Variants in SV2C observed in about 807,000 individuals in gnomAD.
The protein encoded by SV2C is solute carrier family 22 member B3.
In SV2C, 49 loss-of-function variants were observed where a neutral mutation model predicts 79.7. That is an observed-to-expected ratio of 0.61 (90% CI 0.49 to 0.78). The LOEUF is 0.78. Among genes scored for constraint, SV2C ranks in the 30% least tolerant of loss-of-function variants. The probability of loss-of-function intolerance (pLI) is 0.00; values close to 1 mark genes in which losing one functional copy is unlikely to be tolerated. For missense variants in SV2C, 833 were observed against 912.9 expected, an observed-to-expected ratio of 0.91 and a Z score of 1.13; for synonymous variants, 334 against 333.2, an observed-to-expected ratio of 1.00 and a Z score of -0.03.
chr5:76,129,041 G>C (rs997242193), intron 1 of SV2C, among the ~76,000 whole-genome samples: 1 of 152,278 alleles, frequency 6.6e-6, no homozygotes, highest in African/African-American at 2.4e-5. Context: ...CCCCTGAACA[G>C]TCTGCCCCCA....
At chr5:75,982,142 A>G in the SV2C span, among the ~76,000 whole-genome samples, 36,605 of 147,338 alleles carry the variant, frequency 0.25, 5,906 homozygotes, top group Non-Finnish European at 0.37. Flanking sequence ...ATGACGAGTT[A>G]GTGGGTGCAG....
At chr5:76,229,891 A>G (rs56851355) in intron 4 of SV2C, among the ~76,000 whole-genome samples, 17,948 of 152,244 alleles carry the variant, frequency 0.12, 3,079 homozygotes, top group African/African-American at 0.38. Context: ...GAGAACAATC[A>G]ATGATGCTTG....
the SV2C span, among the ~76,000 whole-genome samples, chr5:75,851,396 A>G: frequency 6.6e-6 from 1 of 152,212 alleles, no homozygotes; most frequent in African/African-American, 2.4e-5. Flanking sequence ...TATTCTTTTC[A>G]TAAGACCACT....
At chr5:75,897,726 T>A in the SV2C span, among the ~76,000 whole-genome samples, 1 of 152,334 alleles carries the variant, frequency 6.6e-6, no homozygotes, top group African/African-American at 2.4e-5. Context: ...CATTTGTTTG[T>A]ATCCTCTTTT....
At chr5:76,009,334 T>C in the SV2C span, among the ~76,000 whole-genome samples, 1 of 152,206 alleles carries the variant, frequency 6.6e-6, no homozygotes, top group Admixed American at 6.5e-5. Context: ...GGTTCAGCCA[T>C]CATGGAAAGC....
the SV2C span, among the ~76,000 whole-genome samples, chr5:76,060,814 A>G: frequency 6.6e-6 from 1 of 152,060 alleles, no homozygotes; most frequent in South Asian, 2.1e-4. Flanking sequence ...CCTATATCTC[A>G]GCTTTCAACA....
chr5:76,154,279 C>G (rs544953328), intron 2 of SV2C, among the ~76,000 whole-genome samples: 1 of 152,176 alleles, frequency 6.6e-6, no homozygotes. Context: ...TAGTATCTGC[C>G]TTTTCTGTCT....
At chr5:76,313,658 G>C (rs1260675796) in intron 12 of SV2C, among the ~76,000 whole-genome samples, 5 of 152,190 alleles carry the variant, frequency 3.3e-5, no homozygotes, top group African/African-American at 1.2e-4. Context: ...TTGTGGGCCA[G>C]CTAAACAAGG....
the SV2C span, among the ~76,000 whole-genome samples, chr5:76,007,499 A>G: frequency 2.6e-5 from 4 of 152,130 alleles, no homozygotes; most frequent in Admixed American, 2.0e-4. Flanking sequence ...TATCATGGGT[A>G]TTCAATAAAC....
intron 4 of SV2C, chr5:76,281,232 G>A: frequency 3.8e-6 from 2 of 525,948 alleles, no homozygotes; most frequent in Admixed American, 2.0e-5. Flanking sequence ...AAATTCAACA[G>A]AAGAAAAGTA....
At chr5:76,086,550 G>A (rs1302848327) in intron 1 of SV2C, among the ~76,000 whole-genome samples, 2 of 152,144 alleles carry the variant, frequency 1.3e-5, no homozygotes, top group African/African-American at 4.8e-5. Context: ...TTTGACTGTG[G>A]TTCACAGCAT....
the SV2C span, among the ~76,000 whole-genome samples, chr5:75,995,374 C>T: frequency 2.2e-4 from 34 of 152,172 alleles, no homozygotes; most frequent in Admixed American, 1.1e-3. Flanking sequence ...TTCAACTAAA[C>T]TGAGGCATGG....
At chr5:76,337,596 A>G (rs1000683589), downstream of SV2C, among the ~76,000 whole-genome samples, 1 of 152,134 alleles carries the variant, frequency 6.6e-6, no homozygotes, top group Admixed American at 6.5e-5. Context: ...GAATGTGCCT[A>G]TGGTCTGATG....
the SV2C span, among the ~76,000 whole-genome samples, chr5:76,030,288 TTTTTA>T: frequency 7.7e-6 from 1 of 130,158 alleles, no homozygotes; most frequent in Admixed American, 8.0e-5. Context: ...TTTTTTTTTT[TTTTTA>T]TTTATTCCTG....
At chr5:76,203,908 T>C (rs1744529078) in intron 3 of SV2C, among the ~76,000 whole-genome samples, 1 of 152,254 alleles carries the variant, frequency 6.6e-6, no homozygotes, top group Non-Finnish European at 1.5e-5. Flanking sequence ...ATTCTTGTTC[T>C]TGATTTGATG....
intron 2 of SV2C, among the ~76,000 whole-genome samples, chr5:76,149,436 G>A (rs1580307824): frequency 2.0e-5 from 3 of 152,328 alleles, no homozygotes; most frequent in Admixed American, 6.5e-5. Context: ...AACCTCCCAC[G>A]AGACGCTGAG....
chr5:76,058,868 T>C, the SV2C span, among the ~76,000 whole-genome samples: 4 of 152,112 alleles, frequency 2.6e-5, no homozygotes, highest in South Asian at 2.1e-4. Context: ...TACTTTACTA[T>C]GATCTTTCGC....
chr5:76,095,296 A>G (rs1204059077), intron 1 of SV2C, among the ~76,000 whole-genome samples: 6 of 152,080 alleles, frequency 3.9e-5, no homozygotes, highest in Non-Finnish European at 8.8e-5. Flanking sequence ...TTACTGATAC[A>G]TTATTATTAA....
At chr5:76,348,981 AGAGT>A (rs1749594718) in intron 12 of SV2C, among the ~76,000 whole-genome samples, 1 of 150,666 alleles carries the variant, frequency 6.6e-6, no homozygotes, top group Non-Finnish European at 1.5e-5. Flanking sequence ...CCTGGGCAAC[AGAGT>A]GAGACTCTGT....
Sources: allele counts gnomAD v4.1 joint callset (sites outside exome capture counted in the v4.1 genomes callset), GRCh38; gene constraint gnomAD v4.1.1; transcripts MANE v1.5; gene names NCBI Gene and HGNC (gene_info 2026-07-23, HGNC 2026-07-21).